Variants in MRPS28 observed in about 807,000 individuals in gnomAD.
MRPS28 encodes small ribosomal subunit protein bS1m.
In MRPS28, 7 loss-of-function variants were observed where a neutral mutation model predicts 10.8. The observed-to-expected ratio is 0.65, with a 90% CI of 0.37 to 1.22. The LOEUF (loss-of-function observed/expected upper bound fraction) is 1.22, where lower values mean the gene tolerates loss of function less well. Ranked by LOEUF, MRPS28 falls within the 50% of genes most tolerant of loss-of-function variation. The probability of loss-of-function intolerance (pLI) is 0.02; values close to 1 mark genes in which losing one functional copy is unlikely to be tolerated. For synonymous variants in MRPS28, 121 were observed against 93.3 expected (o/e 1.30, Z -1.71); for missense variants, 265 against 232.9 (o/e 1.14, Z -0.90).
chr8:79,976,384 T>C (rs1303111621), intron 2 of MRPS28, among the ~76,000 whole-genome samples: 1 of 152,152 alleles, frequency 6.6e-6, no homozygotes, highest in Non-Finnish European at 1.5e-5. Context: ...CACCCGGCCT[T>C]GTTAAGAACC....
At chr8:79,971,858 A>G (rs1432630101) in intron 2 of MRPS28, among the ~76,000 whole-genome samples, 2 of 152,004 alleles carry the variant, frequency 1.3e-5, no homozygotes, top group South Asian at 2.1e-4. Flanking sequence ...ACACGCCACC[A>G]CGTCTGGCTA....
chr8:79,999,309 G>T (rs1236137181), intron 2 of MRPS28, among the ~76,000 whole-genome samples: 2 of 152,136 alleles, frequency 1.3e-5, no homozygotes, highest in African/African-American at 4.8e-5. Context: ...CAACTGAGCT[G>T]GATCTCATTA....
intron 2 of MRPS28, among the ~76,000 whole-genome samples, chr8:79,927,411 T>C (rs1248598839): frequency 6.6e-6 from 1 of 152,222 alleles, no homozygotes; most frequent in Non-Finnish European, 1.5e-5. Context: ...TGTCCTTCCA[T>C]GGTAAAACCT....
intron 2 of MRPS28, among the ~76,000 whole-genome samples, chr8:79,983,432 T>C (rs1348884928): frequency 6.6e-6 from 1 of 152,142 alleles, no homozygotes; most frequent in Non-Finnish European, 1.5e-5. Context: ...GAGAATGACT[T>C]TGACGAGTTG....
intron 2 of MRPS28, among the ~76,000 whole-genome samples, chr8:79,975,238 A>G (rs1263335372): frequency 2.0e-5 from 3 of 152,160 alleles, no homozygotes; most frequent in African/African-American, 7.2e-5. Context: ...TTGAGGCTGC[A>G]GTGAGCTGTG....
chr8:79,923,718 G>A (rs1252532248), intron 2 of MRPS28, among the ~76,000 whole-genome samples: 1 of 152,110 alleles, frequency 6.6e-6, no homozygotes, highest in East Asian at 1.9e-4. Flanking sequence ...AACTTCAAGT[G>A]CTTGCTTCTG....
chr8:79,996,994 T>C (rs7014295), intron 2 of MRPS28, among the ~76,000 whole-genome samples: 88,958 of 152,058 alleles, frequency 0.59, 28,676 homozygotes, highest in East Asian at 0.79. Flanking sequence ...TTGGGAAATG[T>C]GGATAATACC....
chr8:80,010,753 C>A (rs10113767), intron 1 of MRPS28, among the ~76,000 whole-genome samples: 116,809 of 152,212 alleles, frequency 0.77, 45,356 homozygotes, highest in African/African-American at 0.88. Flanking sequence ...AAGAAAGTCA[C>A]GACATTTGGC....
intron 1 of MRPS28, among the ~76,000 whole-genome samples, chr8:80,009,962 CATG>C (rs1808986669): frequency 6.6e-6 from 1 of 152,168 alleles, no homozygotes; most frequent in African/African-American, 2.4e-5. Context: ...TCAGTCTGAA[CATG>C]AGTTCCTGAT....
At chr8:79,922,840 CTAATT>C (rs1235042953) in intron 2 of MRPS28, among the ~76,000 whole-genome samples, 1 of 151,744 alleles carries the variant, frequency 6.6e-6, no homozygotes, top group Non-Finnish European at 1.5e-5. Context: ...TTTATATATT[CTAATT>C]TAATTTTAAA....
intron 2 of MRPS28, among the ~76,000 whole-genome samples, chr8:79,927,719 A>G (rs1806330012): frequency 6.6e-6 from 1 of 152,212 alleles, no homozygotes; most frequent in African/African-American, 2.4e-5. Context: ...CAGTGGGAAG[A>G]ACTACTTTAG....
intron 2 of MRPS28, among the ~76,000 whole-genome samples, chr8:79,964,764 C>G (rs1807463052): frequency 6.6e-6 from 1 of 152,028 alleles, no homozygotes; most frequent in Admixed American, 6.6e-5. Flanking sequence ...GACCTGGCAC[C>G]ATGTGAGCAT....
intron 1 of MRPS28, among the ~76,000 whole-genome samples, chr8:80,026,660 A>G (rs1563546562): frequency 1.3e-5 from 2 of 152,210 alleles, no homozygotes; most frequent in Non-Finnish European, 2.9e-5. Context: ...AAAAGTTAGT[A>G]AAAATTTTAT....
At chr8:80,001,631 C>A (rs1808662517) in intron 2 of MRPS28, among the ~76,000 whole-genome samples, 1 of 152,196 alleles carries the variant, frequency 6.6e-6, no homozygotes, top group Non-Finnish European at 1.5e-5. Context: ...TTGACAGACA[C>A]ATCCTACTTA....
At chr8:79,919,625 C>T (rs752786023) in intron 2 of MRPS28, among the ~76,000 whole-genome samples, 2 of 152,080 alleles carry the variant, frequency 1.3e-5, no homozygotes, top group East Asian at 3.9e-4. Flanking sequence ...TGAGTCACTG[C>T]CAGCTCTAGA....
intron 2 of MRPS28, among the ~76,000 whole-genome samples, chr8:79,965,402 A>AC (rs528791110): frequency 6.6e-6 from 1 of 152,084 alleles, no homozygotes; most frequent in Non-Finnish European, 1.5e-5. Context: ...GCTAAGTAGT[A>AC]CTATCCTTAT....
In MRPS28 at chr8:80,005,322, G is replaced by A. The variant is rs1469151297; in HGVS notation, c.214-2142C>T. On this transcript the variant is annotated intron_variant, in intron 1 of 2. Coordinates refer to ENST00000276585, the MANE Select transcript of MRPS28 (RefSeq NM_014018.3). ...ACTCTACAAGCCAGAAGAGAGTGGG[G>A]GCCAATATTCAACATTCTTAAAGAA... is the stretch of plus-strand genomic sequence containing the variant. Among the ~76,000 whole-genome samples, 5 of 152,038 alleles carry A rather than the reference G, an allele frequency of 3.3e-5. No individual in the cohort carries two copies. In the East Asian group the frequency reaches 9.6e-4, roughly 29 times the overall value.
chr8:79,965,305 A>G (rs1332969377), intron 2 of MRPS28, among the ~76,000 whole-genome samples: 19 of 152,096 alleles, frequency 1.2e-4, no homozygotes, highest in Non-Finnish European at 2.9e-5. Flanking sequence ...AAATAAGCAA[A>G]CCCAGGCAAT....
chr8:79,919,273 T>C (rs1048167937), intron 2 of MRPS28, 125 bp from the exon 3 acceptor site: 73 of 633,708 alleles, frequency 1.2e-4, no homozygotes, highest in Non-Finnish European at 1.1e-4. Context: ...AACACTGGTA[T>C]CTTAGAAATA....
Sources: allele counts gnomAD v4.1 joint callset (sites outside exome capture counted in the v4.1 genomes callset), GRCh38; gene constraint gnomAD v4.1.1; transcripts MANE v1.5; gene names NCBI Gene and HGNC (gene_info 2026-07-23, HGNC 2026-07-21).